Variants in HERC3 observed in about 807,000 individuals in gnomAD.
The protein encoded by HERC3 is HECT and RLD domain containing E3 ubiquitin protein ligase 3, also known as probable E3 ubiquitin-protein ligase HERC3.
HERC3 carries 58 observed loss-of-function variants against 129.9 expected under a neutral mutation model. The ratio of observed to expected loss-of-function variants is 0.45; its 90% CI spans 0.36 to 0.56. The LOEUF (loss-of-function observed/expected upper bound fraction) is 0.56, where lower values mean the gene tolerates loss of function less well. HERC3 is among the 20% of genes least tolerant of loss of function. The probability of loss-of-function intolerance (pLI) is 0.00; values close to 1 mark genes in which losing one functional copy is unlikely to be tolerated. For synonymous variants in HERC3, 430 were observed against 451.0 expected (o/e 0.95, Z 0.59); for missense variants, 835 against 1,244.2 (o/e 0.67, Z 4.95).
chr4:88,582,981 C>A, the HERC3 span, among the ~76,000 whole-genome samples: 3 of 152,186 alleles, frequency 2.0e-5, no homozygotes, highest in Non-Finnish European at 4.4e-5. Context: ...TGCACATGTA[C>A]ACATTAATAA....
intron 21 of HERC3, among the ~76,000 whole-genome samples, chr4:88,685,523 C>T (rs939344460): frequency 3.9e-5 from 6 of 152,154 alleles, no homozygotes; most frequent in African/African-American, 1.4e-4. Context: ...CGCATGTTCT[C>T]ACTTATAAGT....
At chr4:88,551,511 C>T in the HERC3 span, among the ~76,000 whole-genome samples, 16 of 150,750 alleles carry the variant, frequency 1.1e-4, no homozygotes, top group Non-Finnish European at 2.4e-4. Flanking sequence ...GACATTTATG[C>T]AGCCAAAAGA....
At chr4:88,601,553 G>C (rs1436536227) in intron 2 of HERC3, among the ~76,000 whole-genome samples, 2 of 152,136 alleles carry the variant, frequency 1.3e-5, no homozygotes, top group African/African-American at 4.8e-5. Flanking sequence ...TGTTCGCCTA[G>C]TATTATAATT....
At chr4:88,649,468 C>T (rs1729044027) in intron 3 of HERC3, among the ~76,000 whole-genome samples, 1 of 152,096 alleles carries the variant, frequency 6.6e-6, no homozygotes, top group Non-Finnish European at 1.5e-5. Flanking sequence ...ACTCCCGCTA[C>T]TTTTAGAAAT....
intron 3 of HERC3, among the ~76,000 whole-genome samples, chr4:88,608,291 G>C (rs529380151): frequency 3.9e-5 from 6 of 152,172 alleles, no homozygotes; most frequent in Non-Finnish European, 8.8e-5. Flanking sequence ...TTTGCCACCA[G>C]GTTCCTTCAG....
chr4:88,705,965 A>G (rs1201369225), intron 25 of HERC3, among the ~76,000 whole-genome samples: 1 of 152,188 alleles, frequency 6.6e-6, no homozygotes, highest in Non-Finnish European at 1.5e-5. Flanking sequence ...GAGCTGAATG[A>G]CAGGTTAAGG....
upstream of HERC3, among the ~76,000 whole-genome samples, chr4:88,589,060 A>ATG (rs368954233): frequency 0.011 from 1,650 of 150,782 alleles, 21 homozygotes; most frequent in African/African-American, 0.033. Flanking sequence ...TTATGGTTAT[A>ATG]TGTGTGTGTG....
In HERC3 at chr4:88,668,013, A is replaced by G; in HGVS notation, c.1565A>G (p.Tyr522Cys). ...EFPLLQDSKY[Y>C]ITLTIPLAMA... ...CCCCTACTCCAGGATTCCAAGTATT[A>G]TATAACATTGACTATTCCCTTGGCT... The change falls in exon 14 of 26, where the codon TAT becomes TGT. Residue 522 changes from tyrosine to cysteine, a missense_variant. Tyr to Cys is a radical substitution (Grantham distance 194). Coordinates refer to ENST00000402738, the MANE Select transcript of HERC3 (RefSeq NM_014606.3). The G allele has an allele frequency of 1.9e-6, 3 of 1,613,638 alleles. No individual in the cohort carries two copies. Among genetic ancestry groups the G allele is most frequent in the African/African-American group, 1.3e-5 (1 of 75,042 alleles).
At position 88,654,019 on chromosome 4, in the gene HERC3, T is replaced by A. The variant is rs749076971; in HGVS notation, c.686-23T>A. 3.3e-6 allele frequency: 5 copies of A among 1,536,452 alleles called. No individual in the cohort carries two copies. In the East Asian group the frequency reaches 9.0e-5, roughly 28 times the overall value. On this transcript the variant is annotated intron_variant, in intron 6 of 25. Transcript: ENST00000402738. ...ATCTCAAAGGCAAATGGTAGTGATA[T>A]TCTGATATTTAATTTATTCTAGATC...
chr4:88,646,136 C>T (rs897005688), intron 3 of HERC3, among the ~76,000 whole-genome samples: 2 of 152,138 alleles, frequency 1.3e-5, no homozygotes, highest in African/African-American at 4.8e-5. Context: ...CAAATTACAT[C>T]CTCTTTCTGA....
At chr4:88,699,285 T>C (rs1353426490) in intron 23 of HERC3, among the ~76,000 whole-genome samples, 1 of 38,818 alleles carries the variant, frequency 2.6e-5, no homozygotes, top group Non-Finnish European at 4.4e-5. Context: ...CGCCTTCTTC[T>C]TCCCCACCCA....
chr4:88,676,271 T>C (rs1010243203), intron 17 of HERC3, 30 bp downstream of exon 17: 1 of 1,576,222 alleles, frequency 6.3e-7, no homozygotes, highest in African/African-American at 1.3e-5. Context: ...TTTGCTTTTA[T>C]ATTTTTCCAG....
At chr4:88,627,490 A>G (rs972340393) in intron 3 of HERC3, among the ~76,000 whole-genome samples, 11 of 152,206 alleles carry the variant, frequency 7.2e-5, no homozygotes, top group African/African-American at 2.7e-4. Context: ...ATTTTATACA[A>G]GGAATTTTAT....
chr4:88,561,144 G>A, the HERC3 span, among the ~76,000 whole-genome samples: 1 of 151,978 alleles, frequency 6.6e-6, no homozygotes, highest in East Asian at 1.9e-4. Context: ...TTTTGATAGG[G>A]ATTGCTCACT....
At chr4:88,595,100 CAAAAAA>C (rs758727600) in intron 1 of HERC3, among the ~76,000 whole-genome samples, 1 of 60,084 alleles carries the variant, frequency 1.7e-5, no homozygotes, top group Non-Finnish European at 2.9e-5. Context: ...GACTCTGTCT[CAAAAAA>C]AAAAAAAAAA....
intron 23 of HERC3, chr4:88,697,216 G>A: frequency 1.3e-6 from 2 of 1,515,018 alleles, no homozygotes; most frequent in Non-Finnish European, 1.8e-6. Context: ...TTACTTCTTG[G>A]CGTCATCAGG....
the HERC3 span, among the ~76,000 whole-genome samples, chr4:88,543,969 A>G: frequency 1.3e-5 from 2 of 152,226 alleles, no homozygotes; most frequent in Non-Finnish European, 2.9e-5. Flanking sequence ...TAAAAACCCT[A>G]GAAGAAAACC....
At chr4:88,601,494 A>G (rs1722958661) in intron 2 of HERC3, among the ~76,000 whole-genome samples, 1 of 152,228 alleles carries the variant, frequency 6.6e-6, no homozygotes, top group Non-Finnish European at 1.5e-5. Context: ...TCTCCTTCAT[A>G]TGTTGACAGT....
intron 7 of HERC3, among the ~76,000 whole-genome samples, chr4:88,654,399 C>T (rs1729654554): frequency 1.5e-5 from 2 of 135,796 alleles, no homozygotes; most frequent in African/African-American, 2.7e-5. Context: ...CACACACACA[C>T]ATAATGTAGA....
Sources: gnomAD v4.1 joint callset for allele counts (sites outside exome capture counted in the v4.1 genomes callset) on GRCh38, gnomAD v4.1.1 for gene constraint, MANE v1.5 for transcripts, NCBI Gene and HGNC (gene_info 2026-07-23, HGNC 2026-07-21) for gene names.